The following DTD1 variants were observed in gnomAD, a reference collection of about 807,000 sequenced individuals.
DTD1 encodes D-tyrosyl-tRNA deacylase 1 homolog.
DTD1 carries 13 observed loss-of-function variants against 25.6 expected under a neutral mutation model. That is an observed-to-expected ratio of 0.51 (90% CI 0.33 to 0.81). DTD1 has a LOEUF of 0.81. Ranked by LOEUF, DTD1 falls within the 30% of genes least tolerant of loss-of-function variation. The pLI, the probability that DTD1 is intolerant of heterozygous loss-of-function variation, is 0.02. For synonymous variants in DTD1, 110 were observed against 103.6 expected, an observed-to-expected ratio of 1.06 and a Z score of -0.37; for missense variants, 193 against 266.4, an observed-to-expected ratio of 0.72 and a Z score of 1.92.
In DTD1 at chr20:18,751,751, C is replaced by T. The variant is rs139884273; in HGVS notation, c.*19+7480C>T. Among the ~76,000 whole-genome samples the T allele has an allele frequency of 1.4e-3, 208 of 152,204 alleles. 2 individuals carry two copies. Among genetic ancestry groups the T allele is most frequent in the South Asian group, 0.012 (58 of 4,804 alleles). On this transcript the variant is annotated intron_variant, in intron 5 of 5. Transcript: ENST00000377452. ...GCAAGTGATCCACACACCTCAGCCT[C>T]CCAAAGTGCTGGGATTACAGGAGTG...
intron 4 of DTD1, among the ~76,000 whole-genome samples, chr20:18,667,368 C>G (rs1568663127): frequency 6.6e-6 from 1 of 152,172 alleles, no homozygotes; most frequent in Non-Finnish European, 1.5e-5. Flanking sequence ...CTCAGCTCAT[C>G]CTGGAGAGGA....
At chr20:18,758,839 C>T (rs944998212) in intron 5 of DTD1, among the ~76,000 whole-genome samples, 2 of 152,134 alleles carry the variant, frequency 1.3e-5, no homozygotes, top group African/African-American at 4.8e-5. Flanking sequence ...GACTTTCTGT[C>T]TCGTTGATCT....
intron 4 of DTD1, among the ~76,000 whole-genome samples, chr20:18,683,990 A>C (rs375134943): frequency 6.6e-6 from 1 of 152,092 alleles, no homozygotes; most frequent in African/African-American, 2.4e-5. Flanking sequence ...TCCTTTTTCA[A>C]AGCTCAGATG....
At chr20:18,714,205 G>A (rs1205036957) in intron 4 of DTD1, among the ~76,000 whole-genome samples, 1 of 152,162 alleles carries the variant, frequency 6.6e-6, no homozygotes, top group Non-Finnish European at 1.5e-5. Context: ...TTAGGACCTG[G>A]TTTTCTAACC....
intron 4 of DTD1, among the ~76,000 whole-genome samples, chr20:18,719,390 A>C (rs1286025610): frequency 4.6e-5 from 7 of 152,198 alleles, no homozygotes; most frequent in Admixed American, 6.5e-5. Context: ...GGCCTAGGCC[A>C]GTTTTTGTAG....
chr20:18,685,009 C>G (rs1430205934), intron 4 of DTD1, among the ~76,000 whole-genome samples: 1 of 152,058 alleles, frequency 6.6e-6, no homozygotes, highest in Non-Finnish European at 1.5e-5. Context: ...AGCAGTCCTC[C>G]CACCTCAGCT....
chr20:18,638,901 A>G (rs1052311902), intron 4 of DTD1, among the ~76,000 whole-genome samples: 2 of 152,136 alleles, frequency 1.3e-5, no homozygotes, highest in African/African-American at 4.8e-5. Flanking sequence ...TGCCTTCCAC[A>G]GTAGAGCTTT....
At chr20:18,600,675 T>G (rs2060630196) in intron 3 of DTD1, among the ~76,000 whole-genome samples, 1 of 152,210 alleles carries the variant, frequency 6.6e-6, no homozygotes, top group East Asian at 1.9e-4. Flanking sequence ...GCATTGAGTC[T>G]GTAGATGAAG....
chr20:18,687,991 A>C (rs528771303), intron 4 of DTD1, among the ~76,000 whole-genome samples: 11 of 152,348 alleles, frequency 7.2e-5, no homozygotes, highest in African/African-American at 2.6e-4. Flanking sequence ...GGTGGTTGTT[A>C]GTTGATTCTC....
chr20:18,695,744 C>T (rs2061073772), intron 4 of DTD1, among the ~76,000 whole-genome samples: 1 of 151,144 alleles, frequency 6.6e-6, no homozygotes, highest in East Asian at 2.0e-4. Context: ...AGTCATAGCT[C>T]ACTTCAGCCT....
intron 4 of DTD1, among the ~76,000 whole-genome samples, chr20:18,649,424 C>T (rs1164693867): frequency 1.4e-5 from 2 of 143,672 alleles, no homozygotes; most frequent in South Asian, 2.2e-4. Context: ...CTGCAACATC[C>T]GCCTCCCGGG....
intron 4 of DTD1, among the ~76,000 whole-genome samples, chr20:18,672,214 A>C (rs1413075626): frequency 6.6e-6 from 1 of 152,232 alleles, no homozygotes; most frequent in Non-Finnish European, 1.5e-5. Context: ...AGCCCAAGTG[A>C]CAAAGTGAGA....
intron 1 of DTD1, among the ~76,000 whole-genome samples, chr20:18,590,043 G>A (rs921068867): frequency 6.6e-6 from 1 of 152,158 alleles, no homozygotes; most frequent in African/African-American, 2.4e-5. Context: ...TGTTTGAATG[G>A]CATTTTATTT....
At chr20:18,680,172 C>G (rs983272636) in intron 4 of DTD1, among the ~76,000 whole-genome samples, 1 of 151,974 alleles carries the variant, frequency 6.6e-6, no homozygotes, top group Non-Finnish European at 1.5e-5. Context: ...ATTTCTAACA[C>G]CCATTTTGCA....
intron 4 of DTD1, among the ~76,000 whole-genome samples, chr20:18,692,265 T>C (rs2061050513): frequency 6.6e-6 from 1 of 152,350 alleles, no homozygotes; most frequent in South Asian, 2.1e-4. Context: ...AGTTTGACGT[T>C]TGCTGATTTG....
chr20:18,736,741 C>A (rs2061256893), intron 4 of DTD1, among the ~76,000 whole-genome samples: 1 of 152,090 alleles, frequency 6.6e-6, no homozygotes, highest in African/African-American at 2.4e-5. Context: ...GCAAGCCCCT[C>A]ACCTGCCATT....
At chr20:18,612,840 G>A (rs2060693106) in intron 3 of DTD1, among the ~76,000 whole-genome samples, 1 of 152,076 alleles carries the variant, frequency 6.6e-6, no homozygotes. Context: ...TGTATTTTTA[G>A]TAGAAGCAGG....
chr20:18,647,216 G>A (rs2060853627), intron 4 of DTD1, among the ~76,000 whole-genome samples: 1 of 152,184 alleles, frequency 6.6e-6, no homozygotes, highest in African/African-American at 2.4e-5. Context: ...TTTACATATA[G>A]AAATTGGGGT....
chr20:18,735,552 C>T (rs565398287), intron 4 of DTD1, among the ~76,000 whole-genome samples: 22 of 152,288 alleles, frequency 1.4e-4, no homozygotes, highest in South Asian at 8.3e-4. Context: ...CTTGATTTTT[C>T]GGAATGCCAA....
Sources: gnomAD v4.1 joint callset for allele counts (sites outside exome capture counted in the v4.1 genomes callset) on GRCh38, gnomAD v4.1.1 for gene constraint, MANE v1.5 for transcripts, NCBI Gene and HGNC (gene_info 2026-07-23, HGNC 2026-07-21) for gene names.